ZNF469: variants seen among roughly 807,000 people sequenced by gnomAD.
ZNF469 encodes the protein zinc finger protein 469.
A neutral mutation model predicts 1.0 loss-of-function variants in ZNF469; 1 was observed. The ratio of observed to expected loss-of-function variants is 1.00; its 90% confidence interval spans 0.35 to 4.73. The LOEUF (loss-of-function observed/expected upper bound fraction) is 4.73, where lower values mean the gene tolerates loss of function less well. Among genes scored for constraint, ZNF469 ranks in the 30% most tolerant of loss-of-function variants. The probability of loss-of-function intolerance (pLI) is 0.16; values close to 1 mark genes in which losing one functional copy is unlikely to be tolerated. For synonymous variants in ZNF469, 2,703 were observed against 2,363.4 expected (o/e 1.14, Z -4.17); for missense variants, 6,100 against 5,356.3 (o/e 1.14, Z -4.33).
chr16:88,265,404 G>C, the ZNF469 span, among the ~76,000 whole-genome samples: 1 of 152,182 alleles, frequency 6.6e-6, no homozygotes. Context: ...GGTGCTGCTA[G>C]AAAATCACTT....
chr16:88,192,695 TGGTGATAAA>T, the ZNF469 span, among the ~76,000 whole-genome samples: 2 of 152,276 alleles, frequency 1.3e-5, no homozygotes, highest in East Asian at 1.9e-4. Flanking sequence ...GTGATGATGG[TGGTGATAAA>T]GGTGATAATG....
the ZNF469 span, among the ~76,000 whole-genome samples, chr16:88,210,960 C>T: frequency 0.29 from 44,303 of 152,118 alleles, 6,734 homozygotes; most frequent in South Asian, 0.33. Context: ...TGGTATTGGG[C>T]GGGGTTGCCT....
chr16:88,403,482 C>A (rs1904940747), intron 1 of ZNF469, among the ~76,000 whole-genome samples: 1 of 147,158 alleles, frequency 6.8e-6, no homozygotes, highest in Non-Finnish European at 1.5e-5. Context: ...TCGGGAGCAG[C>A]TGCTGAAACA....
chr16:88,109,056 G>A, the ZNF469 span, among the ~76,000 whole-genome samples: 58 of 152,312 alleles, frequency 3.8e-4, 1 homozygote, highest in East Asian at 4.8e-3. Context: ...GACTTGTTAC[G>A]CAAAAGCAGA....
chr16:88,377,862 CTTG>C, the ZNF469 span, among the ~76,000 whole-genome samples: 7 of 150,602 alleles, frequency 4.6e-5, no homozygotes, highest in African/African-American at 7.4e-5. Context: ...TATTCTAGAG[CTTG>C]TTGTTGTTGT....
chr16:88,147,662 T>TACCA, the ZNF469 span, among the ~76,000 whole-genome samples: 8 of 152,102 alleles, frequency 5.3e-5, 1 homozygote, highest in African/African-American at 1.9e-4. Flanking sequence ...CTGTGCCCCC[T>TACCA]GCCAGCTAGG....
At chr16:88,146,367 G>C in the ZNF469 span, among the ~76,000 whole-genome samples, 1 of 152,142 alleles carries the variant, frequency 6.6e-6, no homozygotes, top group Admixed American at 6.5e-5. Flanking sequence ...TTAAATCAAA[G>C]CCACCTGTGT....
the ZNF469 span, among the ~76,000 whole-genome samples, chr16:88,354,998 C>G: frequency 1.3e-5 from 2 of 152,110 alleles, no homozygotes; most frequent in Non-Finnish European, 2.9e-5. Flanking sequence ...CTTGTCCCCG[C>G]TAGGGGAAGA....
In ZNF469 at chr16:88,428,523, C is replaced by T. The variant is rs1269459928; in HGVS notation, c.1053C>T (p.Leu351=). 6.5e-7 allele frequency: 1 copy of T among 1,550,012 alleles called. No individual in the cohort carries two copies. The highest frequency in any genetic ancestry group is 2.0e-5 in the Admixed American group (1 of 51,000). ...GTGGCCTGAACCGCCACAGCGACCT[C>T]AGTGGTGCCCTCTCTTCCCCTGGAG... The part of the protein sequence containing the change: ...QPGGLNRHSD[L]SGALSSPGAA... The change falls in exon 3 of 3, where the codon CTC becomes CTT. Residue 351 remains leucine, a synonymous_variant. Coordinates refer to ENST00000565624, the MANE Select transcript of ZNF469 (RefSeq NM_001367624.2).
the ZNF469 span, among the ~76,000 whole-genome samples, chr16:88,112,738 T>C: frequency 6.6e-6 from 1 of 150,770 alleles, no homozygotes; most frequent in Non-Finnish European, 1.5e-5. Context: ...GGGGTGTCTC[T>C]TCACTCTGGA....
chr16:88,432,298 C>A lies in ZNF469; in HGVS notation c.4828C>A (p.Arg1610Ser). Residue 1610 changes from arginine to serine, a missense_variant, in exon 3 of 3, where the codon CGC (arginine) becomes AGC (serine). Physicochemically the swap from Arg to Ser is moderately radical, Grantham distance 110. Coordinates refer to ENST00000565624, the MANE Select transcript of ZNF469 (RefSeq NM_001367624.2). ...AGGCACAGAGCCACCCTCCCAACGG[C>A]GCACCTGCCAGGCCACCGTGCCCCA... ...GTGTEPPSQR[R>S]TCQATVPHED... The A allele has an allele frequency of 6.5e-7, 1 of 1,547,168 alleles. No homozygotes were observed. Among genetic ancestry groups the A allele is most frequent in the African/African-American group, 1.4e-5 (1 of 73,166 alleles).
rs1597215995 is a variant in ZNF469, at chr16:88,439,698, C to T, written c.*366C>T. The T allele has an allele frequency of 6.5e-6, 2 of 306,506 alleles. No homozygotes were observed. Among genetic ancestry groups the T allele is most frequent in the Admixed American group, 4.7e-5 (1 of 21,274 alleles). The allele number at this position is 306,506 out of a possible 1,614,324, so 19.0% of individuals were successfully genotyped here. ...ATGTTTGGAGATTTGCACAACCTCC[C>T]GTTCCCCCACATGGAGAAGGGAAGT... On this transcript the variant is annotated 3_prime_UTR_variant, in exon 3 of 3. Coordinates refer to ENST00000565624, the MANE Select transcript of ZNF469 (RefSeq NM_001367624.2).
At chr16:88,300,633 C>G in the ZNF469 span, among the ~76,000 whole-genome samples, 1 of 152,062 alleles carries the variant, frequency 6.6e-6, no homozygotes, top group Non-Finnish European at 1.5e-5. Flanking sequence ...GCATAGAGCA[C>G]GTGATTCCCC....
At chr16:88,376,739 C>T in the ZNF469 span, among the ~76,000 whole-genome samples, 329 of 152,320 alleles carry the variant, frequency 2.2e-3, no homozygotes, top group African/African-American at 7.4e-3. Flanking sequence ...AACTGAGGCT[C>T]GCGGGGTGTC....
Position 88,435,430 on chromosome 16 carries a change from G to A in ZNF469, c.7960G>A (p.Asp2654Asn), listed in dbSNP as rs1324052075. The A allele has an allele frequency of 8.4e-6, 13 of 1,550,256 alleles. No individual in the cohort carries two copies. The highest frequency in any genetic ancestry group is 1.1e-5 in the Non-Finnish European group (13 of 1,146,992). ...GGAGAGCATTCTTCCAGTCTCTGCT[G>A]ATGTGATTTCAGATGGGCGCGGCTC... ...REESILPVSA[D>N]VISDGRGSRP... Residue 2654 changes from aspartate (D) to asparagine (N), a missense_variant, in exon 3 of 3, where the codon GAT (aspartate) becomes AAT (asparagine). Physicochemically the swap from Asp to Asn is conservative, Grantham distance 23. Coordinates refer to ENST00000565624, the MANE Select transcript of ZNF469 (RefSeq NM_001367624.2).
the ZNF469 span, among the ~76,000 whole-genome samples, chr16:88,186,524 C>T: frequency 6.6e-6 from 1 of 152,208 alleles, no homozygotes; most frequent in Non-Finnish European, 1.5e-5. Context: ...GCCTGCACTT[C>T]AGCCCCAGGG....
chr16:88,401,653 GGA>G (rs1390272907), intron 1 of ZNF469, among the ~76,000 whole-genome samples: 4 of 152,072 alleles, frequency 2.6e-5, no homozygotes, highest in East Asian at 1.9e-4. Context: ...ATACATGGGT[GGA>G]TGGGTAGATG....
the ZNF469 span, among the ~76,000 whole-genome samples, chr16:88,229,042 C>T: frequency 2.6e-5 from 4 of 152,192 alleles, no homozygotes; most frequent in Admixed American, 6.5e-5. Context: ...CAACAAACAG[C>T]ATTTAACCCA....
the ZNF469 span, among the ~76,000 whole-genome samples, chr16:88,372,340 ACCATCACCATCGTCACCATCG>A: frequency 7.6e-6 from 1 of 131,954 alleles, no homozygotes; most frequent in Non-Finnish European, 1.6e-5. Context: ...CACCATCATC[ACCATCACCATCGTCACCATCG>A]CCATCACCAT....
Sources: allele counts gnomAD v4.1 joint callset (sites outside exome capture counted in the v4.1 genomes callset), GRCh38; gene constraint gnomAD v4.1.1; transcripts MANE v1.5; gene names NCBI Gene and HGNC (gene_info 2026-07-23, HGNC 2026-07-21).